Variants in MAPK6 observed in about 807,000 individuals in gnomAD.
MAPK6 encodes ERK-3.
Under a neutral mutation model 59.3 loss-of-function variants are expected in MAPK6, and 19 were observed. That is an observed-to-expected ratio of 0.32 (90% CI 0.22 to 0.47). MAPK6 has a LOEUF of 0.47. Ranked by LOEUF, MAPK6 falls within the 20% of genes least tolerant of loss-of-function variation. The pLI, the probability that MAPK6 is intolerant of heterozygous loss-of-function variation, is 1.00. For synonymous variants in MAPK6, 316 were observed against 290.3 expected, an observed-to-expected ratio of 1.09 and a Z score of -0.90; for missense variants, 724 against 847.9, an observed-to-expected ratio of 0.85 and a Z score of 1.81.
chr15:52,064,177 C>A lies in MAPK6; in HGVS notation c.1343C>A (p.Thr448Lys), dbSNP rs190252061. 21 of 1,612,842 alleles carry A rather than the reference C, an allele frequency of 1.3e-5. No homozygotes were observed. In the African/African-American group the frequency reaches 2.8e-4, roughly 22 times the overall value. The stretch of plus-strand genomic sequence containing the variant: ...TGTAGCCATACTTGTAACTACAAAA[C>A]GAGGTCATCATCATATTTAGATAAC... Reference protein sequence around the residue: ...LECSHTCNYKTRSSSYLDNLV... With the variant: ...LECSHTCNYKKRSSSYLDNLV... The change falls in exon 6 of 6, where the codon ACG (threonine) becomes AAG (lysine). Residue 448 changes from threonine to lysine, a missense_variant. Coordinates refer to ENST00000261845, the MANE Select transcript of MAPK6 (RefSeq NM_002748.4).
upstream of MAPK6, among the ~76,000 whole-genome samples, chr15:52,014,606 C>T (rs2030180049): frequency 6.6e-6 from 1 of 150,456 alleles, no homozygotes; most frequent in Non-Finnish European, 1.5e-5. Context: ...ACTCAGGGAT[C>T]TGAGGCAAGA....
At position 52,066,308 on chromosome 15, in the gene MAPK6, A is replaced by T. The variant is rs1596020683; in HGVS notation, c.*1308A>T. On this transcript the variant is annotated 3_prime_UTR_variant, in exon 6 of 6. Transcript: ENST00000261845. ...GGGTTAATGAAAATTTTCTGCTAGA[A>T]TGAAAATTACTACCAGAATCACTTT... The T allele has an allele frequency of 6.6e-6, 1 of 152,254 alleles. No homozygotes were observed. Among genetic ancestry groups the T allele is most frequent in the Non-Finnish European group, 1.5e-5 (1 of 68,046 alleles). 9.4% of individuals were successfully genotyped at this position (152,254 alleles called of 1,614,324 possible). A position where few individuals can be genotyped will look rare whatever the true frequency, so the allele number is the denominator to read the frequency against.
upstream of MAPK6, among the ~76,000 whole-genome samples, chr15:52,016,029 C>T (rs2030230037): frequency 6.8e-6 from 1 of 146,348 alleles, no homozygotes; most frequent in African/African-American, 2.5e-5. Context: ...GCACTCCAGC[C>T]TGGGCCACAG....
chr15:51,994,251 C>T (rs1488920980), intron 2 of MAPK6, among the ~76,000 whole-genome samples: 6 of 152,088 alleles, frequency 3.9e-5, no homozygotes, highest in Non-Finnish European at 4.4e-5. Flanking sequence ...TGAGCCACCG[C>T]GCCTGGCCAG....
chr15:52,010,343 C>G (rs1199482393), intron 3 of MAPK6, among the ~76,000 whole-genome samples: 1 of 146,056 alleles, frequency 6.8e-6, no homozygotes, highest in Non-Finnish European at 1.5e-5. Flanking sequence ...CTCAGCCTCT[C>G]GAGTAGCTGA....
upstream of MAPK6, among the ~76,000 whole-genome samples, chr15:52,014,503 G>C (rs2030176551): frequency 6.6e-6 from 1 of 152,100 alleles, no homozygotes; most frequent in African/African-American, 2.4e-5. Context: ...CTTGAGCTTA[G>C]GAGTTGGAGA....
intron 1 of MAPK6, among the ~76,000 whole-genome samples, chr15:52,037,882 C>G (rs537615792): frequency 6.6e-6 from 1 of 152,102 alleles, no homozygotes; most frequent in African/African-American, 2.4e-5. Flanking sequence ...TTACCAGGTA[C>G]TATGCTTAGG....
chr15:51,985,959 A>G (rs1479831167), intron 2 of MAPK6, among the ~76,000 whole-genome samples: 3 of 151,574 alleles, frequency 2.0e-5, no homozygotes, highest in Non-Finnish European at 4.4e-5. Flanking sequence ...CTCCGTCTCA[A>G]AAAAAAAACA....
At chr15:51,973,311 T>C (rs774369140) in intron 1 of MAPK6, among the ~76,000 whole-genome samples, 1 of 151,954 alleles carries the variant, frequency 6.6e-6, no homozygotes, top group Non-Finnish European at 1.5e-5. Flanking sequence ...CAGTTTCATT[T>C]TCATTTAGAG....
At chr15:51,974,081 G>T (rs953169014) in intron 1 of MAPK6, among the ~76,000 whole-genome samples, 1 of 151,800 alleles carries the variant, frequency 6.6e-6, no homozygotes, top group African/African-American at 2.4e-5. Context: ...CTTACCTGAG[G>T]TTATCACTTT....
intron 2 of MAPK6, among the ~76,000 whole-genome samples, chr15:51,996,884 A>T (rs889414889): frequency 4.6e-5 from 7 of 152,074 alleles, no homozygotes; most frequent in African/African-American, 1.7e-4. Flanking sequence ...TTATAGTGAC[A>T]TAGTCTCCCT....
intron 2 of MAPK6, among the ~76,000 whole-genome samples, chr15:51,993,834 A>G (rs187011323): frequency 7.4e-5 from 10 of 135,978 alleles, no homozygotes; most frequent in African/African-American, 2.2e-4. Flanking sequence ...AGGTCTCACT[A>G]TGTTGCTCAG....
intron 1 of MAPK6, among the ~76,000 whole-genome samples, chr15:52,022,191 C>T: frequency 6.6e-6 from 1 of 152,106 alleles, no homozygotes; most frequent in Non-Finnish European, 1.5e-5. Context: ...AATTTCCCAC[C>T]CCATCCTCTG....
chr15:52,025,458 G>A (rs2030733086), intron 1 of MAPK6, among the ~76,000 whole-genome samples: 1 of 152,164 alleles, frequency 6.6e-6, no homozygotes, highest in African/African-American at 2.4e-5. Flanking sequence ...AATACTTGAC[G>A]AGCAAGTAGT....
At chr15:52,059,324 CAG>C (rs2032105915) in intron 4 of MAPK6, among the ~76,000 whole-genome samples, 1 of 152,142 alleles carries the variant, frequency 6.6e-6, no homozygotes, top group Non-Finnish European at 1.5e-5. Context: ...AAAATAGAGA[CAG>C]AGTCTTCCCT....
intron 3 of MAPK6, among the ~76,000 whole-genome samples, chr15:52,056,117 C>T (rs1200445980): frequency 1.3e-5 from 2 of 152,184 alleles, no homozygotes; most frequent in African/African-American, 2.4e-5. Flanking sequence ...GGACCAAGCA[C>T]TCATTGGAAA....
At chr15:51,994,139 T>C (rs2057217962) in intron 2 of MAPK6, among the ~76,000 whole-genome samples, 1 of 152,150 alleles carries the variant, frequency 6.6e-6, no homozygotes, top group Non-Finnish European at 1.5e-5. Context: ...TTTGTATTTT[T>C]AGTAGAGACG....
At chr15:51,996,673 A>G (rs1188043756) in intron 2 of MAPK6, among the ~76,000 whole-genome samples, 1 of 151,822 alleles carries the variant, frequency 6.6e-6, no homozygotes, top group Non-Finnish European at 1.5e-5. Context: ...TAAGACTACA[A>G]GCATGAGCCA....
At chr15:52,060,622 A>C (rs1190196038) in intron 4 of MAPK6, among the ~76,000 whole-genome samples, 1 of 152,168 alleles carries the variant, frequency 6.6e-6, no homozygotes, top group Non-Finnish European at 1.5e-5. Flanking sequence ...TGGTGTAAAT[A>C]TAGCTTTCAG....
Sources: allele counts gnomAD v4.1 joint callset (sites outside exome capture counted in the v4.1 genomes callset), GRCh38; gene constraint gnomAD v4.1.1; transcripts MANE v1.5; gene names NCBI Gene and HGNC (gene_info 2026-07-23, HGNC 2026-07-21).